NFIA: variants seen among roughly 807,000 people sequenced by gnomAD.
The protein encoded by NFIA is nuclear factor 1 A-type.
NFIA carries 8 observed loss-of-function variants against 62.8 expected under a neutral mutation model. The observed-to-expected ratio is 0.13, with a 90% CI of 0.07 to 0.23. NFIA has a LOEUF of 0.23. Ranked by LOEUF, NFIA falls within the 10% of genes least tolerant of loss-of-function variation. The probability of loss-of-function intolerance (pLI) is 1.00; values close to 1 mark genes in which losing one functional copy is unlikely to be tolerated. For missense variants in NFIA, 410 were observed against 642.1 expected (o/e 0.64, Z 3.91); for synonymous variants, 235 against 238.1 (o/e 0.99, Z 0.12).
chr1:61,324,066 A>G (rs1429603232), intron 3 of NFIA, among the ~76,000 whole-genome samples: 1 of 152,216 alleles, frequency 6.6e-6, no homozygotes, highest in Non-Finnish European at 1.5e-5. Flanking sequence ...GAGAGGGAAG[A>G]TTAACGAGCC....
chr1:61,216,398 A>G (rs900343981), intron 2 of NFIA, among the ~76,000 whole-genome samples: 1 of 152,154 alleles, frequency 6.6e-6, no homozygotes, highest in African/African-American at 2.4e-5. Flanking sequence ...AGGTGACTAT[A>G]AACATTTCAA....
chr1:61,323,945 A>G (rs1299471698), intron 3 of NFIA, among the ~76,000 whole-genome samples: 1 of 152,196 alleles, frequency 6.6e-6, no homozygotes. Flanking sequence ...ACATATAAAC[A>G]AATAACTGTC....
chr1:61,189,444 AT>A (rs1378518525), intron 2 of NFIA, among the ~76,000 whole-genome samples: 2 of 152,278 alleles, frequency 1.3e-5, no homozygotes, highest in Admixed American at 6.5e-5. Context: ...AGGTGGGCTG[AT>A]CATGAGGTCA....
At chr1:61,295,486 A>G (rs2100319377) in intron 3 of NFIA, among the ~76,000 whole-genome samples, 1 of 152,302 alleles carries the variant, frequency 6.6e-6, no homozygotes, top group Admixed American at 6.5e-5. Context: ...GGTACATTGG[A>G]TAATTCTTTC....
intron 3 of NFIA, among the ~76,000 whole-genome samples, chr1:61,299,443 A>G (rs951572449): frequency 2.6e-5 from 4 of 152,180 alleles, no homozygotes; most frequent in Non-Finnish European, 4.4e-5. Flanking sequence ...TTTAATCTCA[A>G]TGTCTGTAGA....
intron 2 of NFIA, among the ~76,000 whole-genome samples, chr1:61,209,667 TACAACAACAACAACA>T (rs71756240): frequency 2.0e-5 from 3 of 147,872 alleles, no homozygotes; most frequent in Non-Finnish European, 3.0e-5. Context: ...CTATGAAAAA[TACAACAACAACAACA>T]ACAACAACAA....
intron 6 of NFIA, among the ~76,000 whole-genome samples, chr1:61,381,686 G>C (rs1218843624): frequency 6.6e-6 from 1 of 152,126 alleles, no homozygotes; most frequent in Non-Finnish European, 1.5e-5. Flanking sequence ...TACAGATAAA[G>C]CTGAGACCTG....
chr1:61,269,643 C>T (rs992450814), intron 2 of NFIA, among the ~76,000 whole-genome samples: 2 of 152,224 alleles, frequency 1.3e-5, no homozygotes, highest in African/African-American at 4.8e-5. Flanking sequence ...CACACAGGTT[C>T]CAAAGCTTGA....
Position 61,460,870 on chromosome 1 carries a change from T to C in NFIA, c.*5550T>C, listed in dbSNP as rs1668501275. 1 of 152,262 alleles carries C rather than the reference T, an allele frequency of 6.6e-6. No individual in the cohort carries two copies. The highest frequency in any genetic ancestry group is 2.4e-5 in the African/African-American group (1 of 41,476). 9.4% of individuals were successfully genotyped at this position (152,262 alleles called of 1,614,324 possible). ...TACTCAAAGTTATGTTAGTCTTTTT[T>C]TCCGACTTGGTTCTTGTCAGCTAGG... On this transcript the variant is annotated 3_prime_UTR_variant, in exon 11 of 11. Transcript: ENST00000403491.
At chr1:61,142,808 T>C (rs573894784) in intron 2 of NFIA, among the ~76,000 whole-genome samples, 1 of 152,170 alleles carries the variant, frequency 6.6e-6, no homozygotes, top group Non-Finnish European at 1.5e-5. Flanking sequence ...ACACAGGCTC[T>C]TAGGGCACAT....
At chr1:61,204,965 A>G (rs1022575627) in intron 2 of NFIA, among the ~76,000 whole-genome samples, 1 of 152,184 alleles carries the variant, frequency 6.6e-6, no homozygotes, top group African/African-American at 2.4e-5. Flanking sequence ...TGGCCCAAAC[A>G]TACTTCACTT....
intron 4 of NFIA, among the ~76,000 whole-genome samples, chr1:61,351,859 A>G (rs1440996435): frequency 6.6e-6 from 1 of 152,250 alleles, no homozygotes; most frequent in African/African-American, 2.4e-5. Flanking sequence ...ATGAAAGGCC[A>G]TGGCTATGCT....
chr1:61,113,391 G>A (rs1446161469), intron 2 of NFIA, among the ~76,000 whole-genome samples: 1 of 152,028 alleles, frequency 6.6e-6, no homozygotes. Flanking sequence ...TCAGGAGTTT[G>A]AGACCAGCCT....
chr1:61,436,014 G>A (rs1189817085), intron 10 of NFIA, among the ~76,000 whole-genome samples: 1 of 152,096 alleles, frequency 6.6e-6, no homozygotes, highest in African/African-American at 2.4e-5. Flanking sequence ...GCCTCTGTTT[G>A]AGGTCCAGGA....
rs561304796 is a variant in NFIA, at chr1:61,457,725, C to G, written c.*2405C>G. 22 of 151,816 alleles carry G rather than the reference C, an allele frequency of 1.4e-4. No individual in the cohort carries two copies. The highest frequency in any genetic ancestry group is 5.3e-4 in the African/African-American group (22 of 41,418). The allele number at this position is 151,816 out of a possible 1,614,324, so 9.4% of individuals were successfully genotyped here. On this transcript the variant is annotated 3_prime_UTR_variant, in exon 11 of 11. Coordinates refer to ENST00000403491, the MANE Select transcript of NFIA (RefSeq NM_001134673.4). The surrounding 1 kb of genome is among the most constrained non-coding windows in gnomAD (Gnocchi z 4.2). ...TACTTTTTTGTGATTTTTGAATGCACGTGCGCAGGAAGGGCTCCTCTTAGA... is the reference window on the plus strand; with the variant it reads ...TACTTTTTTGTGATTTTTGAATGCAGGTGCGCAGGAAGGGCTCCTCTTAGA...
intron 2 of NFIA, among the ~76,000 whole-genome samples, chr1:61,253,765 C>T (rs1461511933): frequency 6.6e-6 from 1 of 151,914 alleles, no homozygotes; most frequent in Non-Finnish European, 1.5e-5. Flanking sequence ...TTAGAATGAC[C>T]ACGTCTAAAT....
At chr1:61,091,333 A>G (rs1414473404) in intron 2 of NFIA, among the ~76,000 whole-genome samples, 2 of 151,244 alleles carry the variant, frequency 1.3e-5, no homozygotes, top group Non-Finnish European at 2.9e-5. Context: ...AAGCAAATGC[A>G]GAATCAATCT....
At chr1:61,349,955 A>G (rs960438141) in intron 4 of NFIA, among the ~76,000 whole-genome samples, 5 of 151,772 alleles carry the variant, frequency 3.3e-5, no homozygotes, top group Non-Finnish European at 7.4e-5. Flanking sequence ...CCTCCTTTCC[A>G]TCCTTTGAGT....
intron 2 of NFIA, among the ~76,000 whole-genome samples, chr1:61,154,443 A>G (rs1360147607): frequency 6.6e-6 from 1 of 152,106 alleles, no homozygotes; most frequent in Non-Finnish European, 1.5e-5. Flanking sequence ...GGCATGAGCC[A>G]CCACACCCGG....
Sources: gnomAD v4.1 joint callset for allele counts (sites outside exome capture counted in the v4.1 genomes callset) on GRCh38, gnomAD v4.1.1 for gene constraint, Gnocchi (gnomAD v3.1) non-coding constraint, MANE v1.5 for transcripts, NCBI Gene and HGNC (gene_info 2026-07-23, HGNC 2026-07-21) for gene names.